The following PCM1 variants were observed in gnomAD, a reference collection of about 807,000 sequenced individuals.
The protein encoded by PCM1 is pericentriolar material 1 protein.
Under a neutral mutation model 241.9 loss-of-function variants are expected in PCM1, and 157 were observed. That is an observed-to-expected ratio of 0.65 (90% CI 0.57 to 0.74). The LOEUF (loss-of-function observed/expected upper bound fraction) is 0.74. PCM1 is among the 30% of genes least tolerant of loss of function. The probability of loss-of-function intolerance (pLI) is 0.00; values close to 1 mark genes in which losing one functional copy is unlikely to be tolerated. For missense variants in PCM1, 3,478 were observed against 2,360.1 expected (o/e 1.47, Z -9.81); for synonymous variants, 1,085 against 784.9 (o/e 1.38, Z -6.39).
At chr8:17,957,880 T>A (rs865966816) in intron 13 of PCM1, 105 bp downstream of exon 13, 2 of 727,038 alleles carry the variant, frequency 2.8e-6, no homozygotes, top group Non-Finnish European at 4.5e-6. Flanking sequence ...AATACACATT[T>A]ATGTATCATA....
At chr8:18,016,814 A>AAGTT (rs1269321690) in intron 36 of PCM1, among the ~76,000 whole-genome samples, 28 of 152,344 alleles carry the variant, frequency 1.8e-4, no homozygotes, top group African/African-American at 6.7e-4. Context: ...GACAGAAAGG[A>AAGTT]AGTTAGGCTA....
intron 15 of PCM1, 79 bp from the exon 16 acceptor site, chr8:17,961,955 A>G (rs1014904141): frequency 3.1e-5 from 39 of 1,277,878 alleles, no homozygotes; most frequent in Non-Finnish European, 4.0e-5. Flanking sequence ...CCTTAGTGCC[A>G]TATTTAAAGT....
At chr8:18,003,636 A>G (rs993894926) in intron 29 of PCM1, among the ~76,000 whole-genome samples, 1 of 152,148 alleles carries the variant, frequency 6.6e-6, no homozygotes, top group Non-Finnish European at 1.5e-5. Flanking sequence ...CTAGAATAGT[A>G]TCTCATAGTA....
rs1466733099 is a variant in PCM1 at position 17,967,074 on chromosome 8, CCTT to C, written c.3319_3321del (p.Ser1107del). On this transcript the variant is annotated inframe_deletion, in exon 21 of 39. Transcript: ENST00000325083. Reference sequence around the variant, plus strand: ...AAGAGGCAGTAGTGCATCGCACCCTCCTTCTCCCAGTTTATTTTGTCCTTTCAG... The same window carrying C: ...AAGAGGCAGTAGTGCATCGCACCCTCCTCCCAGTTTATTTTGTCCTTTCAG... 3.7e-6 allele frequency: 6 copies of C among 1,609,276 alleles called. No individual in the cohort carries two copies. The highest frequency in any genetic ancestry group is 4.2e-6 in the Non-Finnish European group (5 of 1,177,610).
chr8:17,972,441 G>C lies in PCM1; in HGVS notation c.3697G>C (p.Glu1233Gln), dbSNP rs2077164635. ...CAAGACTGGATTTTCAGTGTCTGTA[G>C]AAAAATCTACAAGTAGTAACCGCAA... is the stretch of plus-strand genomic sequence containing the variant. ...FIKTGFSVSV[E>Q]KSTSSNRKNQ... The change falls in exon 23 of 39, where the codon GAA becomes CAA. Residue 1233 changes from glutamate (E) to glutamine (Q), a missense_variant. By Grantham distance (29) the Glu-to-Gln change is conservative. Transcript: ENST00000325083. The C allele has an allele frequency of 1.2e-6, 2 of 1,613,008 alleles. No individual in the cohort carries two copies. Among genetic ancestry groups the C allele is most frequent in the African/African-American group, 2.7e-5 (2 of 74,872 alleles).
At chr8:18,007,975 T>G (rs1304344647) in intron 30 of PCM1, among the ~76,000 whole-genome samples, 2 of 152,194 alleles carry the variant, frequency 1.3e-5, no homozygotes, top group Non-Finnish European at 2.9e-5. Context: ...TATTTGAAGA[T>G]TCTCAACCTA....
Position 17,969,527 on chromosome 8 carries a change from G to C in PCM1, c.3413-50G>C, listed in dbSNP as rs373814239. 22 of 1,311,918 alleles carry C rather than the reference G, an allele frequency of 1.7e-5. No individual in the cohort carries two copies. In the African/African-American group the frequency reaches 3.0e-4, roughly 18 times the overall value. 81.3% of individuals were successfully genotyped at this position (1,311,918 alleles called of 1,614,324 possible). ...AACTGTCTTTTAATTTCATTTTAAA[G>C]CTAAAGACATTTATTTATTTTTCTC... On this transcript the variant is annotated intron_variant, in intron 21 of 38. Transcript: ENST00000325083.
At position 17,956,678 on chromosome 8, in the gene PCM1, T is replaced by C; in HGVS notation, c.1547T>C (p.Met516Thr). 3.1e-6 allele frequency: 5 copies of C among 1,599,634 alleles called. No individual in the cohort carries two copies. Among genetic ancestry groups the C allele is most frequent in the Non-Finnish European group, 4.3e-6 (5 of 1,169,152 alleles). Residue 516 changes from methionine (M) to threonine (T), a missense_variant, in exon 11 of 39, where the codon ATG (methionine) becomes ACG (threonine). Physicochemically the swap from Met to Thr is moderately conservative, Grantham distance 81. Transcript: ENST00000325083. ...CATTATTATGAACAAACGTCAGACATGATGACAGATGCTGTGAATGAAAAC... is the reference window on the plus strand; with the variant it reads ...CATTATTATGAACAAACGTCAGACACGATGACAGATGCTGTGAATGAAAAC... ...LVHYYEQTSD[M>T]MTDAVNENRK...
At chr8:17,926,253 T>A (rs2056902269) in intron 2 of PCM1, 1 of 152,182 alleles carries the variant, frequency 6.6e-6, no homozygotes, top group Non-Finnish European at 1.5e-5. Flanking sequence ...ACCTGGGTTT[T>A]TTCAATAGGA....
Position 17,938,781 on chromosome 8 carries a change from T to C in PCM1, c.384T>C (p.Ala128=). The change falls in exon 5 of 39, where the codon GCT becomes GCC. Residue 128 remains alanine (A), a synonymous_variant. Transcript: ENST00000325083. ...ATTCCCAAGGTAGAGCAACAGCTGCTAACAACAAACGTCAGCTTAGTGAAA... is the reference window on the plus strand; with the variant it reads ...ATTCCCAAGGTAGAGCAACAGCTGCCAACAACAAACGTCAGCTTAGTGAAA... ...GSDSQGRATA[A]NNKRQLSENR... The C allele has an allele frequency of 6.2e-7, 1 of 1,612,546 alleles. No homozygotes were observed. The highest frequency in any genetic ancestry group is 8.5e-7 in the Non-Finnish European group (1 of 1,178,504).
rs1455554221 is a variant in PCM1, at chr8:17,988,337, CA to C, written c.4411-1520del. On this transcript the variant is annotated intron_variant, in intron 26 of 38. Coordinates refer to ENST00000325083, the MANE Select transcript of PCM1 (RefSeq NM_006197.4). The stretch of plus-strand genomic sequence containing the variant: ...AGATCATTAGTTAAGGGAAAGAACA[CA>C]ACTGTAAAATGTCATAATCAAAGTG... Among the ~76,000 whole-genome samples the C allele has an allele frequency of 1.1e-4, 17 of 151,866 alleles. No individual in the cohort carries two copies. The East Asian group carries it at 3.3e-3, about 29-fold the overall frequency.
At chr8:18,010,026 A>G (rs2092242018) in intron 31 of PCM1, among the ~76,000 whole-genome samples, 1 of 152,186 alleles carries the variant, frequency 6.6e-6, no homozygotes, top group Non-Finnish European at 1.5e-5. Context: ...GAAAGATGAG[A>G]GAAGGACTGG....
intron 8 of PCM1, among the ~76,000 whole-genome samples, 153 bp downstream of exon 8, chr8:17,950,877 G>C (rs1442695884): frequency 1.3e-5 from 2 of 152,216 alleles, no homozygotes. Flanking sequence ...TCAAAATTAC[G>C]ATTCATGGAT....
At chr8:18,015,670 A>C (rs1419600346) in intron 36 of PCM1, 1 of 151,850 alleles carries the variant, frequency 6.6e-6, no homozygotes, top group African/African-American at 2.4e-5. Flanking sequence ...CTTCTTACTC[A>C]AATAAACTGT....
chr8:17,984,811 A>T (rs895731758), intron 24 of PCM1, among the ~76,000 whole-genome samples: 3 of 151,996 alleles, frequency 2.0e-5, no homozygotes, highest in African/African-American at 7.2e-5. Flanking sequence ...TGTGAAACTG[A>T]AAACTTCAGT....
At chr8:17,972,723 A>G in intron 23 of PCM1, 36 bp downstream of exon 23, 3 of 1,304,892 alleles carry the variant, frequency 2.3e-6, no homozygotes, top group Non-Finnish European at 3.1e-6. Context: ...TGATCAGTGT[A>G]AATTTTGGTA....
chr8:17,985,690 T>G, intron 25 of PCM1, 71 bp downstream of exon 25: 5 of 1,205,434 alleles, frequency 4.1e-6, no homozygotes, highest in Non-Finnish European at 5.9e-6. Context: ...GGTTGCTGTC[T>G]TAGACTGAAG....
At chr8:17,989,087 C>T (rs761999491) in intron 26 of PCM1, among the ~76,000 whole-genome samples, 5 of 151,938 alleles carry the variant, frequency 3.3e-5, no homozygotes, top group Non-Finnish European at 2.9e-5. Context: ...TATATCTATA[C>T]AGTGGAATAC....
chr8:17,938,392 T>C (rs2061052309), intron 4 of PCM1, among the ~76,000 whole-genome samples: 1 of 152,202 alleles, frequency 6.6e-6, no homozygotes, highest in African/African-American at 2.4e-5. Flanking sequence ...ATATATCTCA[T>C]GTTTATGCAT....
Sources: gnomAD v4.1 joint callset for allele counts (sites outside exome capture counted in the v4.1 genomes callset) on GRCh38, gnomAD v4.1.1 for gene constraint, MANE v1.5 for transcripts, NCBI Gene and HGNC (gene_info 2026-07-23, HGNC 2026-07-21) for gene names.